The following HIBADH variants were observed in gnomAD, a reference collection of about 807,000 sequenced individuals.
The protein encoded by HIBADH is 3-hydroxyisobutyrate dehydrogenase.
In HIBADH, 25 loss-of-function variants were observed where a neutral mutation model predicts 36.1. That is an observed-to-expected ratio of 0.69 (90% CI 0.50 to 0.97). The LOEUF (loss-of-function observed/expected upper bound fraction) is 0.97. Among genes scored for constraint, HIBADH ranks in the 50% least tolerant of loss-of-function variants. The probability of loss-of-function intolerance (pLI) is 0.00; values close to 1 mark genes in which losing one functional copy is unlikely to be tolerated. For missense variants in HIBADH, 421 were observed against 418.0 expected, an observed-to-expected ratio of 1.01 and a Z score of -0.06; for synonymous variants, 160 against 149.5, an observed-to-expected ratio of 1.07 and a Z score of -0.51.
intron 4 of HIBADH, among the ~76,000 whole-genome samples, chr7:27,624,993 C>G (rs1194257104): frequency 3.3e-5 from 5 of 152,038 alleles, no homozygotes; most frequent in Non-Finnish European, 7.4e-5. Flanking sequence ...GGAAATAATC[C>G]AAATGTATAT....
intron 4 of HIBADH, among the ~76,000 whole-genome samples, chr7:27,589,332 T>G (rs1784908656): frequency 1.3e-5 from 2 of 152,338 alleles, no homozygotes; most frequent in South Asian, 4.1e-4. Context: ...TCTTTATACA[T>G]AAGTAGAAAA....
chr7:27,655,587 CACAA>C lies in HIBADH; in HGVS notation c.92-5958_92-5955del, dbSNP rs562719471. On this transcript the variant is annotated intron_variant, in intron 1 of 7. Transcript: ENST00000265395. ...TAGCATATCTATATGGAAAAAATATCACAAACAGATAAAATACAAATAAGAAAAA... is the reference window on the plus strand; with the variant it reads ...TAGCATATCTATATGGAAAAAATATCACAGATAAAATACAAATAAGAAAAA... 3.5e-4 allele frequency among the ~76,000 whole-genome samples: 53 copies of C among 151,586 alleles called. 1 individual carries two copies. Among genetic ancestry groups the C allele is most frequent in the Non-Finnish European group, 6.0e-4 (41 of 67,880 alleles).
At chr7:27,581,665 C>T (rs1459592696) in intron 4 of HIBADH, among the ~76,000 whole-genome samples, 2 of 151,968 alleles carry the variant, frequency 1.3e-5, no homozygotes, top group Non-Finnish European at 2.9e-5. Flanking sequence ...TTAACATATC[C>T]ATCACCTTAT....
chr7:27,559,044 G>T (rs1784430667), intron 4 of HIBADH, among the ~76,000 whole-genome samples: 1 of 152,162 alleles, frequency 6.6e-6, no homozygotes, highest in African/African-American at 2.4e-5. Flanking sequence ...CCTTTGGATG[G>T]CTGTGAGGGA....
intron 1 of HIBADH, among the ~76,000 whole-genome samples, chr7:27,661,844 AG>A (rs1786427039): frequency 6.6e-6 from 1 of 152,174 alleles, no homozygotes; most frequent in African/African-American, 2.4e-5. Flanking sequence ...TTAAGGAATT[AG>A]GAACAACTGA....
At chr7:27,658,573 T>C (rs1786351631) in intron 1 of HIBADH, among the ~76,000 whole-genome samples, 1 of 152,212 alleles carries the variant, frequency 6.6e-6, no homozygotes, top group Non-Finnish European at 1.5e-5. Flanking sequence ...AGTTAATTAT[T>C]TTACATTTCT....
At chr7:27,661,883 T>C (rs982929582) in intron 1 of HIBADH, among the ~76,000 whole-genome samples, 1 of 152,108 alleles carries the variant, frequency 6.6e-6, no homozygotes, top group African/African-American at 2.4e-5. Flanking sequence ...TTGCTGGGAA[T>C]ATCCTGATTC....
chr7:27,548,985 C>T (rs760058127), intron 4 of HIBADH, among the ~76,000 whole-genome samples: 3 of 152,090 alleles, frequency 2.0e-5, no homozygotes, highest in Non-Finnish European at 4.4e-5. Context: ...TACAGGTATT[C>T]TGAATCCATT....
chr7:27,550,901 T>TC (rs1784308282), intron 4 of HIBADH, among the ~76,000 whole-genome samples: 1 of 152,150 alleles, frequency 6.6e-6, no homozygotes, highest in Non-Finnish European at 1.5e-5. Context: ...TATTTTCTAG[T>TC]TTATCAAAAA....
Position 27,662,814 on chromosome 7 carries a change from T to G in HIBADH, c.-26A>C, listed in dbSNP as rs1386736630. 4.8e-6 allele frequency: 7 copies of G among 1,458,012 alleles called. No homozygotes were observed. The South Asian group carries it at 7.9e-5, about 16-fold the overall frequency. 90.3% of individuals were successfully genotyped at this position (1,458,012 alleles called of 1,614,324 possible). A position where few individuals can be genotyped will look rare whatever the true frequency, so the allele number is the denominator to read the frequency against. ...GCTGCGCCCGCCCCTCTCCCCGCGG[T>G]GACCTCCGCCGCCTCCCGGAGGGCC... is the stretch of plus-strand genomic sequence containing the variant. On this transcript the variant is annotated 5_prime_UTR_variant, in exon 1 of 8. Transcript: ENST00000265395.
intron 4 of HIBADH, among the ~76,000 whole-genome samples, chr7:27,567,865 A>G (rs370691450): frequency 3.3e-5 from 5 of 151,876 alleles, no homozygotes; most frequent in Admixed American, 2.6e-4. Flanking sequence ...TTGCCTTACG[A>G]TTTTTTTTGA....
intron 5 of HIBADH, chr7:27,541,596 G>A (rs1784152535): frequency 1.2e-5 from 3 of 259,644 alleles, no homozygotes; most frequent in African/African-American, 2.3e-5. Flanking sequence ...TGAAATGGAG[G>A]GCAAACGCAG....
At chr7:27,567,178 G>A (rs1481688611) in intron 4 of HIBADH, among the ~76,000 whole-genome samples, 3 of 151,902 alleles carry the variant, frequency 2.0e-5, no homozygotes. Flanking sequence ...TTTTCATTCT[G>A]CTAGTTTTTA....
chr7:27,658,775 A>G (rs370202696), intron 1 of HIBADH, among the ~76,000 whole-genome samples: 5 of 152,196 alleles, frequency 3.3e-5, no homozygotes, highest in African/African-American at 1.2e-4. Context: ...TGTCTATTTT[A>G]TCACATAATA....
intron 4 of HIBADH, among the ~76,000 whole-genome samples, chr7:27,623,889 C>T (rs1457975792): frequency 1.3e-5 from 2 of 152,182 alleles, no homozygotes; most frequent in Non-Finnish European, 2.9e-5. Flanking sequence ...CCTCTACCTC[C>T]CGAGCTCAAG....
At chr7:27,557,494 AT>A (rs1464673011) in intron 4 of HIBADH, among the ~76,000 whole-genome samples, 1 of 152,186 alleles carries the variant, frequency 6.6e-6, no homozygotes, top group Non-Finnish European at 1.5e-5. Flanking sequence ...AGACTGGGAA[AT>A]TTATAAAGAG....
At chr7:27,555,491 A>G in intron 4 of HIBADH, among the ~76,000 whole-genome samples, 1 of 151,842 alleles carries the variant, frequency 6.6e-6, no homozygotes, top group African/African-American at 2.4e-5. Context: ...CAAAATTTCA[A>G]CTATCTATCA....
intron 4 of HIBADH, among the ~76,000 whole-genome samples, chr7:27,611,238 G>A (rs1280928280): frequency 2.0e-5 from 3 of 152,260 alleles, no homozygotes; most frequent in East Asian, 3.9e-4. Flanking sequence ...CTAACTACAA[G>A]CGCCACTTCA....
intron 2 of HIBADH, among the ~76,000 whole-genome samples, chr7:27,647,230 C>T (rs1786089796): frequency 6.6e-6 from 1 of 152,150 alleles, no homozygotes; most frequent in South Asian, 2.1e-4. Flanking sequence ...GGAGTGTCTG[C>T]AGCATGGAGA....
Sources: allele counts gnomAD v4.1 joint callset (sites outside exome capture counted in the v4.1 genomes callset), GRCh38; gene constraint gnomAD v4.1.1; transcripts MANE v1.5; gene names NCBI Gene and HGNC (gene_info 2026-07-23, HGNC 2026-07-21).